Variants in CEP128 observed in about 807,000 individuals in gnomAD.
CEP128 encodes centrosomal protein 128.
CEP128 carries 132 observed loss-of-function variants against 156.7 expected under a neutral mutation model. That is an observed-to-expected ratio of 0.84 (90% confidence interval 0.73 to 0.97). The LOEUF (loss-of-function observed/expected upper bound fraction) is 0.97, where lower values mean the gene tolerates loss of function less well. CEP128 is among the 50% of genes least tolerant of loss of function. CEP128 has a pLI of 0.00. For synonymous variants in CEP128, 469 were observed against 448.9 expected (o/e 1.04, Z -0.57); for missense variants, 1,252 against 1,281.9 (o/e 0.98, Z 0.36).
chr14:80,919,297 T>C (rs954245259), intron 2 of CEP128, among the ~76,000 whole-genome samples: 5 of 152,140 alleles, frequency 3.3e-5, no homozygotes, highest in Non-Finnish European at 5.9e-5. Flanking sequence ...TGACTAAAAA[T>C]AATTATAACT....
chr14:80,830,577 C>G (rs555341353), intron 13 of CEP128: 15 of 188,816 alleles, frequency 7.9e-5, no homozygotes, highest in Non-Finnish European at 1.4e-4. Context: ...ATTACCTCAT[C>G]TATGCTAGAT....
chr14:80,667,971 T>C (rs1419294470), intron 19 of CEP128, among the ~76,000 whole-genome samples: 1 of 151,902 alleles, frequency 6.6e-6, no homozygotes, highest in Non-Finnish European at 1.5e-5. Context: ...ATAATGATAA[T>C]GACACTGATG....
At chr14:80,533,860 C>T (rs74064206) in intron 21 of CEP128, among the ~76,000 whole-genome samples, 10,601 of 152,130 alleles carry the variant, frequency 0.07, 1,204 homozygotes, top group African/African-American at 0.24. Flanking sequence ...ATATGTATCT[C>T]GGATATCATA....
intron 19 of CEP128, among the ~76,000 whole-genome samples, chr14:80,586,491 C>G (rs1332248701): frequency 2.0e-5 from 3 of 152,068 alleles, no homozygotes; most frequent in Admixed American, 1.3e-4. Context: ...TTTTTCTTTA[C>G]ACAAAAGTGA....
At chr14:80,662,483 AGACT>A (rs1160989571) in intron 19 of CEP128, among the ~76,000 whole-genome samples, 1 of 152,158 alleles carries the variant, frequency 6.6e-6, no homozygotes, top group African/African-American at 2.4e-5. Context: ...GAGTGAAGAC[AGACT>A]ATCAAAGCCA....
intron 10 of CEP128, among the ~76,000 whole-genome samples, chr14:80,839,252 G>A (rs1443464004): frequency 6.6e-6 from 1 of 152,224 alleles, no homozygotes; most frequent in East Asian, 1.9e-4. Context: ...GTAACAGTAA[G>A]ATAGTTTTAT....
chr14:80,515,519 G>A (rs1888446088), intron 23 of CEP128, among the ~76,000 whole-genome samples: 2 of 152,158 alleles, frequency 1.3e-5, no homozygotes, highest in Admixed American at 1.3e-4. Flanking sequence ...TACTACCGAT[G>A]TTCGCTCAAA....
chr14:80,728,370 G>A (rs559776422), intron 19 of CEP128, among the ~76,000 whole-genome samples: 1 of 152,258 alleles, frequency 6.6e-6, no homozygotes, highest in African/African-American at 2.4e-5. Flanking sequence ...TGAGGGTGGA[G>A]GATGGGAGAG....
intron 19 of CEP128, among the ~76,000 whole-genome samples, chr14:80,667,671 ACACGGTGAAAC>A (rs1227965858): frequency 6.6e-6 from 1 of 152,090 alleles, no homozygotes; most frequent in East Asian, 1.9e-4. Flanking sequence ...ATCCTGGCTA[ACACGGTGAAAC>A]CCCGTCTCTA....
downstream of CEP128, among the ~76,000 whole-genome samples, chr14:80,489,850 T>C (rs1252849705): frequency 2.7e-5 from 4 of 150,496 alleles, no homozygotes; most frequent in South Asian, 4.2e-4. Context: ...GGGTATCTTG[T>C]AGGGATTCAG....
At chr14:80,593,484 T>C (rs930058830) in intron 19 of CEP128, among the ~76,000 whole-genome samples, 2 of 143,636 alleles carry the variant, frequency 1.4e-5, no homozygotes. Context: ...GAGCTTGCAG[T>C]GAGCCCAGAT....
chr14:80,607,563 A>C (rs188246915), intron 19 of CEP128, among the ~76,000 whole-genome samples: 4 of 152,166 alleles, frequency 2.6e-5, no homozygotes, highest in African/African-American at 9.6e-5. Context: ...CAAATTCTAC[A>C]TGGATCAAGA....
chr14:80,683,328 T>C (rs1254000929), intron 19 of CEP128, among the ~76,000 whole-genome samples: 2 of 152,084 alleles, frequency 1.3e-5, no homozygotes, highest in Admixed American at 6.6e-5. Context: ...ATTCTTATAT[T>C]AGATGAAAGA....
intron 19 of CEP128, among the ~76,000 whole-genome samples, chr14:80,643,519 C>G (rs1894507982): frequency 6.6e-6 from 1 of 152,084 alleles, no homozygotes; most frequent in African/African-American, 2.4e-5. Context: ...GAGATCAAGA[C>G]CAGTCTGGCC....
At chr14:80,638,581 T>C (rs1342559770) in intron 19 of CEP128, among the ~76,000 whole-genome samples, 1 of 152,196 alleles carries the variant, frequency 6.6e-6, no homozygotes, top group Admixed American at 6.5e-5. Flanking sequence ...CCGTACTGTA[T>C]TCTACTCTAG....
Position 80,496,595 on chromosome 14 carries a change from TAGG to T in CEP128, c.*881_*883del, listed in dbSNP as rs144246705. On this transcript the variant is annotated 3_prime_UTR_variant, in exon 25 of 25. Coordinates refer to ENST00000555265, the MANE Select transcript of CEP128 (RefSeq NM_152446.5). ...GCATTTAATATAAATCCTTCTCCACTAGGAGATCAGCGTGTAAAGGGAATACGT... is the reference window on the plus strand; with the variant it reads ...GCATTTAATATAAATCCTTCTCCACTAGATCAGCGTGTAAAGGGAATACGT... 4,102 of 152,608 alleles carry T rather than the reference TAGG, an allele frequency of 0.027. 77 individuals are homozygous for T. Among genetic ancestry groups the T allele is most frequent in the Middle Eastern group, 0.092 (27 of 294 alleles). The allele number at this position is 152,608 out of a possible 1,614,324, so 9.5% of individuals were successfully genotyped here.
downstream of CEP128, among the ~76,000 whole-genome samples, chr14:80,491,586 T>C (rs146131846): frequency 5.8e-3 from 881 of 152,284 alleles, 12 homozygotes; most frequent in African/African-American, 0.02. Context: ...CAAGCCTGTA[T>C]CTTCACTCAC....
upstream of CEP128, among the ~76,000 whole-genome samples, chr14:80,942,899 A>C (rs1232584387): frequency 6.6e-6 from 1 of 152,128 alleles, no homozygotes; most frequent in East Asian, 1.9e-4. Flanking sequence ...GTATTATTCA[A>C]ATTTTTTTTC....
intron 16 of CEP128, among the ~76,000 whole-genome samples, chr14:80,769,159 A>C (rs1900386595): frequency 2.6e-5 from 4 of 152,178 alleles, no homozygotes; most frequent in Admixed American, 1.3e-4. Context: ...AATTTTCAAA[A>C]GAAAAAAATT....
Sources: gnomAD v4.1 joint callset for allele counts (sites outside exome capture counted in the v4.1 genomes callset) on GRCh38, gnomAD v4.1.1 for gene constraint, MANE v1.5 for transcripts, NCBI Gene and HGNC (gene_info 2026-07-23, HGNC 2026-07-21) for gene names.